The following RDH5 variants were observed in gnomAD, a reference collection of about 807,000 sequenced individuals.
RDH5 encodes the protein retinol dehydrogenase 5, also known as 11-cis RDH.
Under a neutral mutation model 24.0 loss-of-function variants are expected in RDH5, and 25 were observed. The observed-to-expected ratio is 1.04, with a 90% CI of 0.76 to 1.46. The LOEUF is 1.46. Among genes scored for constraint, RDH5 ranks in the 40% most tolerant of loss-of-function variants. RDH5 has a pLI of 0.00. For missense variants in RDH5, 369 were observed against 410.3 expected, an observed-to-expected ratio of 0.90 and a Z score of 0.87; for synonymous variants, 170 against 175.2, an observed-to-expected ratio of 0.97 and a Z score of 0.23.
In RDH5 at chr12:55,723,883, T is replaced by C. The variant is rs1466766953; in HGVS notation, c.570-3T>C. On this transcript the variant is annotated splice_polypyrimidine_tract_variant and splice_region_variant and intron_variant, in intron 3 of 4. Coordinates refer to ENST00000257895, the MANE Select transcript of RDH5 (RefSeq NM_002905.5). ...CAGCAACTTCGCTCTGCCCCGACTC[T>C]AGGCGGGATGTAGCTCATTTTGGGA... The C allele has an allele frequency of 1.9e-6, 3 of 1,613,642 alleles. No homozygotes were observed. Among genetic ancestry groups the C allele is most frequent in the Non-Finnish European group, 1.7e-6 (2 of 1,180,032 alleles).
Position 55,721,343 on chromosome 12 carries a change from C to T in RDH5, c.159C>T (p.Phe53=). 1 of 1,613,930 alleles carries T rather than the reference C, an allele frequency of 6.2e-7. No homozygotes were observed. Among genetic ancestry groups the T allele is most frequent in the Non-Finnish European group, 8.5e-7 (1 of 1,180,058 alleles). The change falls in exon 2 of 5, where the codon TTC becomes TTT. Residue 53 remains phenylalanine (F), a synonymous_variant. Coordinates refer to ENST00000257895, the MANE Select transcript of RDH5 (RefSeq NM_002905.5). The surrounding 1 kb of genome is among the most constrained non-coding windows in gnomAD (Gnocchi z 4.7). ...LLALQLDQRG[F]RVLASCLTPS... ...CACTGCAGCTGGACCAGAGAGGCTT[C>T]CGAGTCCTGGCCAGCTGCCTGACCC...
chr12:55,721,073 A>C lies in RDH5; in HGVS notation c.-32-80A>C, dbSNP rs942438337. Reference sequence around the variant, plus strand: ...TAATTTCTCAATATGCTCACACCAGATGCTTCCAGCTAGGGAGGGTATTAG... The same window carrying C: ...TAATTTCTCAATATGCTCACACCAGCTGCTTCCAGCTAGGGAGGGTATTAG... On this transcript the variant is annotated intron_variant, in intron 1 of 4. Coordinates refer to ENST00000257895, the MANE Select transcript of RDH5 (RefSeq NM_002905.5). The surrounding 1 kb of genome is among the most constrained non-coding windows in gnomAD (Gnocchi z 4.7). 9 of 937,470 alleles carry C rather than the reference A, an allele frequency of 9.6e-6. No individual in the cohort carries two copies. The highest frequency in any genetic ancestry group is 1.6e-5 in the Non-Finnish European group (9 of 571,478). The allele number at this position is 937,470 out of a possible 1,614,324, so 58.1% of individuals were successfully genotyped here.
chr12:55,721,735 A>G lies in RDH5; in HGVS notation c.357A>G (p.Gly119=). 1 of 1,613,350 alleles carries G rather than the reference A, an allele frequency of 6.2e-7. No individual in the cohort carries two copies. Among genetic ancestry groups the G allele is most frequent in the Non-Finnish European group, 8.5e-7 (1 of 1,180,004 alleles). ...ATGCTGGTGTGGCTGGTATCATCGGACCCACACCATGGCTGACCCGGGACG... is the reference window on the plus strand; with the variant it reads ...ATGCTGGTGTGGCTGGTATCATCGGGCCCACACCATGGCTGACCCGGGACG... ...VNNAGVAGII[G]PTPWLTRDDF... The change falls in exon 3 of 5, where the codon GGA becomes GGG. Residue 119 remains glycine, a synonymous_variant. Coordinates refer to ENST00000257895, the MANE Select transcript of RDH5 (RefSeq NM_002905.5). The surrounding 1 kb of genome is among the most constrained non-coding windows in gnomAD (Gnocchi z 4.7).
At position 55,724,169 on chromosome 12, in the gene RDH5, A is replaced by G. The variant is rs930921925; in HGVS notation, c.733+120A>G. ...CAGGGCAGGGTTGAGGGTGAACAGG[A>G]TGTTACAAGAGTGCCCAGGCCATGT... On this transcript the variant is annotated intron_variant, in intron 4 of 4. Transcript: ENST00000257895. The G allele has an allele frequency of 7.3e-5, 107 of 1,463,750 alleles. No individual in the cohort carries two copies. The African/African-American group carries it at 1.5e-3, about 20-fold the overall frequency. The allele number at this position is 1,463,750 out of a possible 1,614,324, so 90.7% of individuals were successfully genotyped here. A position where few individuals can be genotyped will look rare whatever the true frequency, so the allele number is the denominator to read the frequency against.
At position 55,721,972 on chromosome 12, in the gene RDH5, C is replaced by A; in HGVS notation, c.569+25C>A. ...GGTGAGGGGTACAGGGCTCTGGGTTCCAGGACTAACAGCAGCCCACTCAAC... is the reference window on the plus strand; with the variant it reads ...GGTGAGGGGTACAGGGCTCTGGGTTACAGGACTAACAGCAGCCCACTCAAC... On this transcript the variant is annotated intron_variant, in intron 3 of 4. Coordinates refer to ENST00000257895, the MANE Select transcript of RDH5 (RefSeq NM_002905.5). This position sits in a 1 kb window ranked among gnomAD's most constrained non-coding sequence, Gnocchi z 4.7. 6.2e-7 allele frequency: 1 copy of A among 1,608,898 alleles called. No individual in the cohort carries two copies.
chr12:55,721,615 A>G lies in RDH5; in HGVS notation c.311-74A>G. The G allele has an allele frequency of 6.3e-7, 1 of 1,596,956 alleles. No individual in the cohort carries two copies. The highest frequency in any genetic ancestry group is 8.5e-7 in the Non-Finnish European group (1 of 1,176,440). On this transcript the variant is annotated intron_variant, in intron 2 of 4. Transcript: ENST00000257895. The surrounding 1 kb of genome is among the most constrained non-coding windows in gnomAD (Gnocchi z 4.7). ...GACAATTTGAGGAGAAGCAGTTTTC[A>G]GATGCTCCCAGGAAGAAGAGGGAGC...
chr12:55,721,859 A>C lies in RDH5; in HGVS notation c.481A>C (p.Ile161Leu). The change falls in exon 3 of 5, where the codon ATC becomes CTC. Residue 161 changes from isoleucine (I) to leucine (L), a missense_variant. By Grantham distance (5) the Ile-to-Leu change is conservative. Transcript: ENST00000257895. This position sits in a 1 kb window ranked among gnomAD's most constrained non-coding sequence, Gnocchi z 4.7. ...GCAAGCCCGGGGCCGGGTGATCAAC[A>C]TCACCAGCGTCCTGGGTCGCCTGGC... ...LQQARGRVIN[I>L]TSVLGRLAAN... 6.2e-7 allele frequency: 1 copy of C among 1,614,044 alleles called. No homozygotes were observed. Among genetic ancestry groups the C allele is most frequent in the African/African-American group, 1.3e-5 (1 of 75,034 alleles).
At chr12:55,722,055 C>T in intron 3 of RDH5, 108 bp downstream of exon 3, 1 of 1,160,530 alleles carries the variant, frequency 8.6e-7, no homozygotes, top group East Asian at 2.5e-5. Context: ...TAAGAAGAGA[C>T]AGTTTAGGGC....
Position 55,721,332 on chromosome 12 carries a change from C to T in RDH5, c.148C>T (p.Gln50Ter). ...GCGCCTTCTGGCACTGCAGCTGGACCAGAGAGGCTTCCGAGTCCTGGCCAG... is the reference window on the plus strand; with the variant it reads ...GCGCCTTCTGGCACTGCAGCTGGACTAGAGAGGCTTCCGAGTCCTGGCCAG... ...FGRLLALQLD[Q>*]RGFRVLASCL... is the part of the protein sequence containing the mutation. Residue 50 changes from glutamine to a stop codon, truncating the protein, a stop_gained, in exon 2 of 5, where the codon CAG (glutamine) becomes TAG (stop). Coordinates refer to ENST00000257895, the MANE Select transcript of RDH5 (RefSeq NM_002905.5). LOFTEE classifies it high-confidence loss of function. The surrounding 1 kb of genome is among the most constrained non-coding windows in gnomAD (Gnocchi z 4.7). 1.2e-6 allele frequency: 2 copies of T among 1,614,070 alleles called. No individual in the cohort carries two copies. Among genetic ancestry groups the T allele is most frequent in the Non-Finnish European group, 1.7e-6 (2 of 1,180,042 alleles).
chr12:55,723,787 C>G (rs1877044198), intron 3 of RDH5, 99 bp from the exon 4 acceptor site: 1 of 1,395,074 alleles, frequency 7.2e-7, no homozygotes, highest in Non-Finnish European at 1.0e-6. Context: ...ACTCTTGTCC[C>G]TGGTCTGTGG....
In RDH5 at chr12:55,724,411, C is replaced by G; in HGVS notation, c.823C>G (p.Arg275Gly). ...ATGCCTGGAGCATGCCCTGACTGCT[C>G]GACACCCCCGAACCCGCTACAGCCC... is the stretch of plus-strand genomic sequence containing the variant. ...SRCLEHALTARHPRTRYSPGW... is the reference protein window; with the variant it reads ...SRCLEHALTAGHPRTRYSPGW... The change falls in exon 5 of 5, where the codon CGA (arginine) becomes GGA (glycine). Residue 275 changes from arginine to glycine, a missense_variant. Physicochemically the swap from Arg to Gly is moderately radical, Grantham distance 125. Transcript: ENST00000257895. 2.5e-6 allele frequency: 4 copies of G among 1,614,190 alleles called. No individual in the cohort carries two copies. Among genetic ancestry groups the G allele is most frequent in the Non-Finnish European group, 3.4e-6 (4 of 1,180,030 alleles).
At chr12:55,722,185 C>A in intron 3 of RDH5, 1 of 501,026 alleles carries the variant, frequency 2.0e-6, no homozygotes, top group Non-Finnish European at 3.5e-6. Flanking sequence ...GAGTCTTGCT[C>A]TGTCGCCAGG....
At position 55,724,034 on chromosome 12, in the gene RDH5, G is replaced by T. The variant is rs766393665; in HGVS notation, c.718G>T (p.Ala240Ser). 3.1e-6 allele frequency: 5 copies of T among 1,610,882 alleles called. No individual in the cohort carries two copies. Among genetic ancestry groups the T allele is most frequent in the Admixed American group, 1.7e-5 (1 of 59,980 alleles). ...TGCCACACAGGCCCACTATGGGGGGGCCTTCCTCACCAAGTGTGAGTAGCC... is the reference window on the plus strand; with the variant it reads ...TGCCACACAGGCCCACTATGGGGGGTCCTTCCTCACCAAGTGTGAGTAGCC... ...PPATQAHYGG[A>S]FLTKYLKMQQ... is the part of the protein sequence containing the mutation. Residue 240 changes from alanine to serine, a missense_variant, in exon 4 of 5, where the codon GCC becomes TCC. Coordinates refer to ENST00000257895, the MANE Select transcript of RDH5 (RefSeq NM_002905.5).
In RDH5 at chr12:55,724,333, C is replaced by A. The variant is rs903282271; in HGVS notation, c.745C>A (p.Gln249Lys). Residue 249 changes from glutamine to lysine, a missense_variant, in exon 5 of 5, where the codon CAA (glutamine) becomes AAA (lysine). Gln to Lys is a moderately conservative substitution (Grantham distance 53, BLOSUM62 1). Coordinates refer to ENST00000257895, the MANE Select transcript of RDH5 (RefSeq NM_002905.5). ...GAFLTKYLKM[Q>K]QRIMNLICDP... ...CTATGGGGCTGCAGACCTGAAAATG[C>A]AACAGCGCATCATGAACCTGATCTG... 3 of 1,614,176 alleles carry A rather than the reference C, an allele frequency of 1.9e-6. No homozygotes were observed. Among genetic ancestry groups the A allele is most frequent in the Non-Finnish European group, 2.5e-6 (3 of 1,180,014 alleles).
intron 3 of RDH5, 191 bp from the exon 4 acceptor site, chr12:55,723,695 C>G: frequency 3.1e-6 from 2 of 640,828 alleles, no homozygotes. Flanking sequence ...TGCTCTAGAT[C>G]AAAGAAAACA....
At position 55,721,838 on chromosome 12, in the gene RDH5, G is replaced by A. The variant is rs1381833521; in HGVS notation, c.460G>A (p.Ala154Thr). The part of the protein sequence containing the change: ...TLALLPLLQQ[A>T]RGRVINITSV... ...TGCCCTGCTGCCTCTGCTGCAGCAAGCCCGGGGCCGGGTGATCAACATCAC... is the reference window on the plus strand; with the variant it reads ...TGCCCTGCTGCCTCTGCTGCAGCAAACCCGGGGCCGGGTGATCAACATCAC... The change falls in exon 3 of 5, where the codon GCC becomes ACC. Residue 154 changes from alanine (A) to threonine (T), a missense_variant. By Grantham distance (58) the Ala-to-Thr change is moderately conservative. Coordinates refer to ENST00000257895, the MANE Select transcript of RDH5 (RefSeq NM_002905.5). The surrounding 1 kb of genome is among the most constrained non-coding windows in gnomAD (Gnocchi z 4.7). 1.2e-6 allele frequency: 2 copies of A among 1,613,998 alleles called. No homozygotes were observed. Among genetic ancestry groups the A allele is most frequent in the Admixed American group, 3.3e-5 (2 of 60,020 alleles).
chr12:55,723,005 G>A (rs969408018), intron 3 of RDH5: 7 of 151,964 alleles, frequency 4.6e-5, no homozygotes, highest in African/African-American at 1.5e-4. Flanking sequence ...TTTGAGACAA[G>A]GCCTTGCTCT....
In RDH5 at chr12:55,724,531, C is replaced by G. The variant is rs760270476; in HGVS notation, c.943C>G (p.Gln315Glu). ...VLTWVLPKPA[Q>E]AVY ...CACCTGGGTCCTTCCCAAGCCTGCC[C>G]AAGCAGTCTACTGAATCCAGCCTTC... Residue 315 changes from glutamine (Q) to glutamate (E), a missense_variant, in exon 5 of 5, where the codon CAA (glutamine) becomes GAA (glutamate). By Grantham distance (29) the Gln-to-Glu change is conservative. Transcript: ENST00000257895. 1.9e-6 allele frequency: 3 copies of G among 1,611,642 alleles called. No individual in the cohort carries two copies. Among genetic ancestry groups the G allele is most frequent in the East Asian group, 4.5e-5 (2 of 44,886 alleles).
chr12:55,722,397 C>T, intron 3 of RDH5: 1 of 167,840 alleles, frequency 6.0e-6, no homozygotes, highest in Non-Finnish European at 1.3e-5. Context: ...ATCCGCCCAC[C>T]TCAGCCTCCC....
Sources: allele counts gnomAD v4.1 joint callset, GRCh38; gene constraint gnomAD v4.1.1; non-coding constraint Gnocchi (gnomAD v3.1); transcripts MANE v1.5; gene names NCBI Gene and HGNC (gene_info 2026-07-23, HGNC 2026-07-21).